RFT1: variants seen among roughly 807,000 people sequenced by gnomAD.
RFT1 encodes the protein RFT1 glycolipid translocator homolog.
In RFT1, 43 loss-of-function variants were observed where a neutral mutation model predicts 62.2. The observed-to-expected ratio is 0.69, with a 90% CI of 0.54 to 0.89. The LOEUF (loss-of-function observed/expected upper bound fraction) is 0.89, where lower values mean the gene tolerates loss of function less well. RFT1 is among the 40% of genes least tolerant of loss of function. The pLI, the probability that RFT1 is intolerant of heterozygous loss-of-function variation, is 0.00. For synonymous variants in RFT1, 262 were observed against 264.6 expected (o/e 0.99, Z 0.10); for missense variants, 605 against 649.9 (o/e 0.93, Z 0.75).
At chr3:53,078,595 A>G in the RFT1 span, among the ~76,000 whole-genome samples, 2 of 152,174 alleles carry the variant, frequency 1.3e-5, no homozygotes, top group Admixed American at 6.5e-5. Flanking sequence ...TTAAAAAATT[A>G]GTCGGGTATG....
At chr3:53,075,244 T>C in the RFT1 span, among the ~76,000 whole-genome samples, 50 of 152,334 alleles carry the variant, frequency 3.3e-4, no homozygotes, top group Middle Eastern at 3.4e-3. Context: ...ACTTAGCCGA[T>C]TGAATCTGAG....
chr3:53,096,171 C>A (rs1236039256), intron 11 of RFT1, among the ~76,000 whole-genome samples: 8 of 152,156 alleles, frequency 5.3e-5, no homozygotes, highest in Admixed American at 4.6e-4. Flanking sequence ...CTATCTGCCT[C>A]CCCACCGTCA....
intron 11 of RFT1, 125 bp downstream of exon 11, chr3:53,099,256 A>C (rs1701240939): frequency 1.3e-6 from 1 of 758,762 alleles, no homozygotes; most frequent in Non-Finnish European, 2.3e-6. Flanking sequence ...ACACTGGTGG[A>C]CTAAGTGTTG....
rs1701996321 is a variant in RFT1 at position 53,122,455 on chromosome 3, C to G, written c.375G>C (p.Leu125=). The part of the protein sequence containing the change: ...VVPHYATGVV[L]FGLSAVVELL... ...GCTCCACCACTGCCGAGAGACCAAACAGCACCACTCCAGTTGCATAGTGAG... is the reference window on the plus strand; with the variant it reads ...GCTCCACCACTGCCGAGAGACCAAAGAGCACCACTCCAGTTGCATAGTGAG... The change falls in exon 4 of 13, where the codon CTG becomes CTC. Residue 125 remains leucine, a synonymous_variant. Transcript: ENST00000296292. The G allele has an allele frequency of 6.2e-7, 1 of 1,614,088 alleles. No individual in the cohort carries two copies. Among genetic ancestry groups the G allele is most frequent in the African/African-American group, 1.3e-5 (1 of 75,024 alleles).
chr3:53,093,685 A>G (rs747831073), intron 11 of RFT1, among the ~76,000 whole-genome samples: 7 of 152,136 alleles, frequency 4.6e-5, no homozygotes, highest in Non-Finnish European at 8.8e-5. Context: ...GTTCGAGATC[A>G]GCCTGGACAA....
At chr3:53,096,279 C>T (rs759066802) in intron 11 of RFT1, among the ~76,000 whole-genome samples, 5 of 151,928 alleles carry the variant, frequency 3.3e-5, no homozygotes, top group South Asian at 4.2e-4. Flanking sequence ...AAAGTATTTG[C>T]GAAATGAAAG....
the RFT1 span, among the ~76,000 whole-genome samples, chr3:53,077,053 A>G: frequency 0.16 from 24,742 of 152,128 alleles, 2,923 homozygotes; most frequent in African/African-American, 0.34. Context: ...TCAACCTTAA[A>G]ACTATGGGTC....
chr3:53,104,053 C>T lies in RFT1; in HGVS notation c.1002G>A (p.Lys334=). ...TGGTCAGGCCGGCCAGCAGGGCCAG[C>T]TTGAGCAGGGACTCCAAGACTGCAG... ...VAAAVLESLL[K]LALLAGLTIT... The change falls in exon 10 of 13, where the codon AAG becomes AAA. Residue 334 remains lysine, a synonymous_variant. Coordinates refer to ENST00000296292, the MANE Select transcript of RFT1 (RefSeq NM_052859.4). 6.2e-7 allele frequency: 1 copy of T among 1,614,176 alleles called. No individual in the cohort carries two copies. The highest frequency in any genetic ancestry group is 8.5e-7 in the Non-Finnish European group (1 of 1,180,018).
chr3:53,080,361 C>A, the RFT1 span, among the ~76,000 whole-genome samples: 1 of 152,224 alleles, frequency 6.6e-6, no homozygotes, highest in African/African-American at 2.4e-5. Flanking sequence ...ATCCAGATGC[C>A]TGGCTCTGCA....
chr3:53,122,089 AG>A (rs1391915401), intron 4 of RFT1, among the ~76,000 whole-genome samples: 2 of 152,272 alleles, frequency 1.3e-5, no homozygotes, highest in African/African-American at 4.8e-5. Flanking sequence ...TATAACCACT[AG>A]AAAAATCTGA....
At chr3:53,117,090 T>C (rs1193762024) in intron 6 of RFT1, among the ~76,000 whole-genome samples, 2 of 152,216 alleles carry the variant, frequency 1.3e-5, no homozygotes, top group Admixed American at 6.5e-5. Context: ...AAACCAGCTA[T>C]GTGATTTTGG....
intron 1 of RFT1, among the ~76,000 whole-genome samples, chr3:53,128,565 T>G (rs1229077796): frequency 6.6e-6 from 1 of 152,134 alleles, no homozygotes; most frequent in Admixed American, 6.5e-5. Flanking sequence ...CAGGCTGGAG[T>G]GCAGTGGCAT....
intron 9 of RFT1, among the ~76,000 whole-genome samples, chr3:53,105,211 C>A (rs781034460): frequency 6.6e-6 from 1 of 152,186 alleles, no homozygotes; most frequent in African/African-American, 2.4e-5. Context: ...GTCAGGAGTT[C>A]AAGAGCAGCC....
intron 9 of RFT1, 85 bp downstream of exon 9, chr3:53,105,588 A>C: frequency 6.7e-7 from 1 of 1,490,258 alleles, no homozygotes; most frequent in South Asian, 1.1e-5. Flanking sequence ...ATCAAACAGA[A>C]GAGAAACAGA....
chr3:53,110,814 A>G (rs1183797417), intron 7 of RFT1, among the ~76,000 whole-genome samples: 1 of 152,228 alleles, frequency 6.6e-6, no homozygotes, highest in African/African-American at 2.4e-5. Context: ...TATGGATATG[A>G]AATATATATG....
chr3:53,084,644 TA>T (rs1397976352), downstream of RFT1, among the ~76,000 whole-genome samples: 2 of 152,212 alleles, frequency 1.3e-5, no homozygotes, highest in Non-Finnish European at 2.9e-5. Flanking sequence ...CAGAGCAGAT[TA>T]AAGGTGAGAG....
intron 8 of RFT1, 37 bp from the exon 9 acceptor site, chr3:53,105,840 GT>G: frequency 1.3e-6 from 2 of 1,587,596 alleles, no homozygotes; most frequent in Non-Finnish European, 1.7e-6. Flanking sequence ...AATCATGTTG[GT>G]TTTTCTATTT....
chr3:53,127,331 G>A (rs917229353), intron 1 of RFT1, among the ~76,000 whole-genome samples: 2 of 152,078 alleles, frequency 1.3e-5, no homozygotes, highest in Admixed American at 1.3e-4. Flanking sequence ...TCGGTCAAAT[G>A]AGTTTACCTA....
intron 6 of RFT1, among the ~76,000 whole-genome samples, chr3:53,112,126 C>G (rs562203841): frequency 3.1e-4 from 47 of 152,318 alleles, no homozygotes; most frequent in African/African-American, 1.1e-3. Context: ...AAGGGCCTGC[C>G]CAAGACTCAT....
Sources: gnomAD v4.1 joint callset for allele counts (sites outside exome capture counted in the v4.1 genomes callset) on GRCh38, gnomAD v4.1.1 for gene constraint, MANE v1.5 for transcripts, NCBI Gene and HGNC (gene_info 2026-07-23, HGNC 2026-07-21) for gene names.